Variants in UBE4B observed in about 807,000 individuals in gnomAD.
UBE4B encodes ubiquitination factor E4B.
Under a neutral mutation model 148.1 loss-of-function variants are expected in UBE4B, and 27 were observed. The observed-to-expected ratio is 0.18, with a 90% CI of 0.13 to 0.25. The LOEUF is 0.25. Among genes scored for constraint, UBE4B ranks in the 10% least tolerant of loss-of-function variants. The pLI, the probability that UBE4B is intolerant of heterozygous loss-of-function variation, is 1.00. For synonymous variants in UBE4B, 596 were observed against 619.3 expected (o/e 0.96, Z 0.56); for missense variants, 1,170 against 1,662.4 (o/e 0.70, Z 5.15).
intron 1 of UBE4B, among the ~76,000 whole-genome samples, chr1:10,049,224 G>A (rs1643977292): frequency 6.6e-6 from 1 of 152,208 alleles, no homozygotes. Context: ...ACTGAGGGCT[G>A]ACTATGTGGA....
At chr1:10,169,137 C>T (rs1383397666) in intron 24 of UBE4B, among the ~76,000 whole-genome samples, 1 of 152,118 alleles carries the variant, frequency 6.6e-6, no homozygotes, top group Non-Finnish European at 1.5e-5. Flanking sequence ...TGAAACTGAG[C>T]AGCATCACTG....
chr1:10,170,809 TCTTTTA>T (rs1183307014), intron 24 of UBE4B: 2 of 181,958 alleles, frequency 1.1e-5, no homozygotes, highest in African/African-American at 2.3e-5. Flanking sequence ...TAATTTTCTC[TCTTTTA>T]CTTGTTTCTC....
chr1:10,068,225 CAGTATGCTGG>C (rs1644422005), intron 1 of UBE4B, among the ~76,000 whole-genome samples: 2 of 152,030 alleles, frequency 1.3e-5, no homozygotes, highest in African/African-American at 4.8e-5. Flanking sequence ...GATGAGGTTT[CAGTATGCTGG>C]CCAGGCCGGT....
Position 10,113,893 on chromosome 1 carries a change from C to T in UBE4B, c.1197-3566C>T, listed in dbSNP as rs964031188. ...CATCCTGGCCAACATGGTGAAACCC[C>T]GTCTCTACTAAAAATACAAAAATTA... On this transcript the variant is annotated intron_variant, in intron 7 of 27. Coordinates refer to ENST00000343090, the MANE Select transcript of UBE4B (RefSeq NM_001105562.3). Among the ~76,000 whole-genome samples the T allele has an allele frequency of 2.5e-4, 38 of 151,952 alleles. 1 individual carries two copies. The highest frequency in any genetic ancestry group is 8.0e-4 in the African/African-American group (33 of 41,456).
intron 16 of UBE4B, 24 bp downstream of exon 16, chr1:10,135,210 G>A: frequency 1.2e-6 from 2 of 1,600,606 alleles, no homozygotes; most frequent in Non-Finnish European, 1.7e-6. Flanking sequence ...TCGTGACTCG[G>A]TCATTAAAAC....
chr1:10,077,381 G>A lies in UBE4B; in HGVS notation c.211+5167G>A, dbSNP rs139201516. Among the ~76,000 whole-genome samples the A allele has an allele frequency of 3.9e-5, 6 of 152,236 alleles. No homozygotes were observed. The East Asian group carries it at 5.8e-4, about 15-fold the overall frequency. On this transcript the variant is annotated intron_variant, in intron 2 of 27. Coordinates refer to ENST00000343090, the MANE Select transcript of UBE4B (RefSeq NM_001105562.3). The stretch of plus-strand genomic sequence containing the variant: ...GACAGCCACTGGATTAGGGACCACC[G>A]TAATTGAGTATGAGCTTATTTTAAC...
At chr1:10,100,903 A>G (rs1645000497) in intron 3 of UBE4B, 2 of 536,076 alleles carry the variant, frequency 3.7e-6, no homozygotes, top group Non-Finnish European at 3.3e-6. Flanking sequence ...ACTTAGGAAA[A>G]ATATTTCCAA....
intron 2 of UBE4B, among the ~76,000 whole-genome samples, chr1:10,075,343 T>C (rs886866549): frequency 6.6e-6 from 1 of 152,196 alleles, no homozygotes; most frequent in African/African-American, 2.4e-5. Flanking sequence ...CTGTTTCTTC[T>C]CATCACCTCC....
intron 1 of UBE4B, among the ~76,000 whole-genome samples, chr1:10,060,302 G>A (rs1322118654): frequency 6.6e-6 from 1 of 152,144 alleles, no homozygotes; most frequent in Non-Finnish European, 1.5e-5. Context: ...CTTACGGTAT[G>A]GCCTAGGTAT....
At chr1:10,065,096 G>A (rs1236229104) in intron 1 of UBE4B, among the ~76,000 whole-genome samples, 1 of 152,072 alleles carries the variant, frequency 6.6e-6, no homozygotes, top group East Asian at 1.9e-4. Flanking sequence ...AAATTTGAAT[G>A]ACTCACCTAG....
intron 15 of UBE4B, 95 bp downstream of exon 15, chr1:10,132,577 G>T: frequency 9.5e-7 from 1 of 1,050,884 alleles, no homozygotes. Context: ...CTAGGAGTGG[G>T]GGTACAGTAT....
chr1:10,152,377 C>CA (rs1189724489), intron 21 of UBE4B, among the ~76,000 whole-genome samples: 2 of 151,750 alleles, frequency 1.3e-5, no homozygotes, highest in Non-Finnish European at 2.9e-5. Flanking sequence ...AGCTAACCTG[C>CA]AAAAAAACCT....
intron 5 of UBE4B, 103 bp from the exon 6 acceptor site, chr1:10,105,413 G>C (rs1018399560): frequency 1.1e-6 from 1 of 911,886 alleles, no homozygotes; most frequent in African/African-American, 1.6e-5. Flanking sequence ...ATCTAATCCA[G>C]GATACTGCAT....
chr1:10,095,472 C>G lies in UBE4B; in HGVS notation c.223C>G (p.Arg75Gly), dbSNP rs1394717339. ...TGTTTTCTGTTTAGGAGTAGCCCAT[C>G]GAAGCCAGAGCAGTGAAGGAGTCAG... is the stretch of plus-strand genomic sequence containing the variant. Reference protein sequence around the residue: ...SPIGASGVAHRSQSSEGVSSL... With the variant: ...SPIGASGVAHGSQSSEGVSSL... Residue 75 changes from arginine (R) to glycine (G), a missense_variant, in exon 3 of 28, where the codon CGA becomes GGA. By Grantham distance (125) the Arg-to-Gly change is moderately radical. Coordinates refer to ENST00000343090, the MANE Select transcript of UBE4B (RefSeq NM_001105562.3). 1 of 1,614,100 alleles carries G rather than the reference C, an allele frequency of 6.2e-7. No homozygotes were observed. The highest frequency in any genetic ancestry group is 8.5e-7 in the Non-Finnish European group (1 of 1,180,026).
intron 20 of UBE4B, among the ~76,000 whole-genome samples, chr1:10,151,019 C>G (rs1298656273): frequency 6.9e-6 from 1 of 145,648 alleles, no homozygotes; most frequent in African/African-American, 2.5e-5. Flanking sequence ...AAAAATTAGC[C>G]GGGCATGGTG....
At chr1:10,102,893 C>T (rs72861447) in intron 4 of UBE4B, 55 bp from the exon 5 acceptor site, 45,665 of 1,534,540 alleles carry the variant, frequency 0.03, 862 homozygotes, top group African/African-American at 0.075. Context: ...CCTATTGAAA[C>T]ACCTAACTCA....
chr1:10,105,505 C>T lies in UBE4B; in HGVS notation c.581-11C>T. ...GTGTGTAACCTGTTCTTTGTTCTGC[C>T]TTTCCAACAGTATTCTCCGATTTTA... On this transcript the variant is annotated splice_polypyrimidine_tract_variant and intron_variant, in intron 5 of 27. Transcript: ENST00000343090. 6.2e-7 allele frequency: 1 copy of T among 1,613,314 alleles called. No individual in the cohort carries two copies. Among genetic ancestry groups the T allele is most frequent in the Non-Finnish European group, 8.5e-7 (1 of 1,179,294 alleles).
At chr1:10,034,832 G>A (rs567896992) in intron 1 of UBE4B, among the ~76,000 whole-genome samples, 2 of 152,330 alleles carry the variant, frequency 1.3e-5, no homozygotes, top group East Asian at 3.9e-4. Context: ...TTTGTTGATT[G>A]TGATACTTGG....
chr1:10,101,281 C>A, intron 4 of UBE4B, 86 bp downstream of exon 4: 1 of 1,342,434 alleles, frequency 7.4e-7, no homozygotes, highest in Non-Finnish European at 1.0e-6. Context: ...TAGATTGGGG[C>A]CACCCGAAAT....
Sources: gnomAD v4.1 joint callset for allele counts (sites outside exome capture counted in the v4.1 genomes callset) on GRCh38, gnomAD v4.1.1 for gene constraint, MANE v1.5 for transcripts, NCBI Gene and HGNC (gene_info 2026-07-23, HGNC 2026-07-21) for gene names.